Variants in COL6A3 observed in about 807,000 individuals in gnomAD.
COL6A3 encodes collagen type VI alpha 3 chain.
COL6A3 carries 137 observed loss-of-function variants against 274.1 expected under a neutral mutation model. That is an observed-to-expected ratio of 0.50 (90% confidence interval 0.44 to 0.58). The LOEUF (loss-of-function observed/expected upper bound fraction) is 0.58, where lower values mean the gene tolerates loss of function less well. Among genes scored for constraint, COL6A3 ranks in the 20% least tolerant of loss-of-function variants. The pLI, the probability that COL6A3 is intolerant of heterozygous loss-of-function variation, is 0.00. For missense variants in COL6A3, 3,950 were observed against 4,124.9 expected, an observed-to-expected ratio of 0.96 and a Z score of 1.16; for synonymous variants, 1,650 against 1,650.6, an observed-to-expected ratio of 1.00 and a Z score of 0.01.
intron 3 of COL6A3, among the ~76,000 whole-genome samples, chr2:237,391,565 T>C (rs936625235): frequency 1.3e-5 from 2 of 152,098 alleles, no homozygotes; most frequent in Non-Finnish European, 2.9e-5. Flanking sequence ...AGAGTTTCAC[T>C]CTTGTCACCC....
intron 3 of COL6A3, among the ~76,000 whole-genome samples, chr2:237,389,713 C>T (rs112738393): frequency 2.6e-5 from 4 of 152,296 alleles, no homozygotes; most frequent in African/African-American, 9.6e-5. Flanking sequence ...AAGAAAGTTC[C>T]TAACAATATA....
At chr2:237,363,928 G>A (rs1219237647) in intron 13 of COL6A3, among the ~76,000 whole-genome samples, 1 of 152,158 alleles carries the variant, frequency 6.6e-6, no homozygotes, top group Non-Finnish European at 1.5e-5. Context: ...GTACGTCATT[G>A]CTTACATTAT....
intron 3 of COL6A3, among the ~76,000 whole-genome samples, chr2:237,392,067 C>T (rs1325794574): frequency 2.0e-5 from 3 of 152,150 alleles, no homozygotes; most frequent in Non-Finnish European, 4.4e-5. Context: ...GCAGGGAACA[C>T]TTTGCAGTGT....
In COL6A3 at chr2:237,374,868, G is replaced by T. The variant is rs201962257; in HGVS notation, c.3223C>A (p.Arg1075=). The T allele has an allele frequency of 3.7e-6, 6 of 1,613,742 alleles. No homozygotes were observed. In the African/African-American group the frequency reaches 6.7e-5, roughly 18 times the overall value. Residue 1075 remains arginine (R), a synonymous_variant, in exon 8 of 44, where the codon CGG becomes AGG. Transcript: ENST00000295550. This position sits in a 1 kb window ranked among gnomAD's most constrained non-coding sequence, Gnocchi z 4.8. ...VRVAVVQYSD[R]TRPEFYLNSY... ...TTCAGGTAGAACTCGGGCCTGGTCC[G>T]GTCGCTGTACTGCACCACGGCCACG...
intron 1 of COL6A3, among the ~76,000 whole-genome samples, chr2:237,403,222 A>C (rs1354463914): frequency 6.6e-6 from 1 of 152,090 alleles, no homozygotes; most frequent in Non-Finnish European, 1.5e-5. Flanking sequence ...TGGAGTCCAA[A>C]TCTTGCGGCC....
Position 237,345,189 on chromosome 2 carries a change from A to T in COL6A3, c.7117T>A (p.Ser2373Thr). 6.2e-7 allele frequency: 1 copy of T among 1,614,170 alleles called. No homozygotes were observed. The stretch of plus-strand genomic sequence containing the variant: ...GGACACATGCAACTTACATCGATGG[A>T]GTCGCCCCTGTTGCCCTTGGGACCC... ...PAGPKGNRGD[S>T]IDQCALIQSI... The change falls in exon 33 of 44, where the codon TCC becomes ACC. Residue 2373 changes from serine to threonine, a missense_variant. Around this residue, in one of 5 missense-constraint regions of COL6A3, gnomAD observed 1,284 missense variants for 1,349.7 expected, o/e 0.95. Coordinates refer to ENST00000295550, the MANE Select transcript of COL6A3 (RefSeq NM_004369.4).
In COL6A3 at chr2:237,344,969, G is replaced by A; in HGVS notation, c.7163-17C>T. ...AACAGCAAGCTAGAAAAGAAGCAAA[G>A]AGAAGAAAGGGTGAGAGACTACTCT... On this transcript the variant is annotated splice_polypyrimidine_tract_variant and intron_variant, in intron 34 of 43. Transcript: ENST00000295550. This position sits in a 1 kb window ranked among gnomAD's most constrained non-coding sequence, Gnocchi z 4.8. 6.2e-7 allele frequency: 1 copy of A among 1,614,198 alleles called. No individual in the cohort carries two copies. The highest frequency in any genetic ancestry group is 8.5e-7 in the Non-Finnish European group (1 of 1,180,044).
rs372247515 is a variant in COL6A3, at chr2:237,368,868, G to A, written c.4595C>T (p.Ala1532Val). 130 of 1,614,038 alleles carry A rather than the reference G, an allele frequency of 8.1e-5. No homozygotes were observed. Among genetic ancestry groups the A allele is most frequent in the East Asian group, 2.2e-4 (10 of 44,892 alleles). Residue 1532 changes from alanine (A) to valine (V), a missense_variant, in exon 10 of 44, where the codon GCG (alanine) becomes GTG (valine). By Grantham distance (64) the Ala-to-Val change is moderately conservative. Coordinates refer to ENST00000295550, the MANE Select transcript of COL6A3 (RefSeq NM_004369.4). This position sits in a 1 kb window ranked among gnomAD's most constrained non-coding sequence, Gnocchi z 4.4. ...FVARNLFVKS[A>V]GSRIEDGVPQ... ...CACCCCGTCTTCTATGCGACTCCCCGCAGACTTAACAAAGAGGTTTCTTGC... is the reference window on the plus strand; with the variant it reads ...CACCCCGTCTTCTATGCGACTCCCCACAGACTTAACAAAGAGGTTTCTTGC...
rs1214408809 is a variant in COL6A3 at position 237,381,099 on chromosome 2, C to A, written c.1713G>T (p.Glu571Asp). 9 of 1,614,266 alleles carry A rather than the reference C, an allele frequency of 5.6e-6. No homozygotes were observed. The highest frequency in any genetic ancestry group is 1.3e-5 in the African/African-American group (1 of 75,080). Residue 571 changes from glutamate to aspartate, a missense_variant, in exon 5 of 44, where the codon GAG (glutamate) becomes GAT (aspartate). By Grantham distance (45) the Glu-to-Asp change is conservative. Coordinates refer to ENST00000295550, the MANE Select transcript of COL6A3 (RefSeq NM_004369.4). ...SLDEISQPAQELKRSSIMAFA... is the reference protein window; with the variant it reads ...SLDEISQPAQDLKRSSIMAFA... ...AGGCCATTATGCTGCTTCTCTTCAG[C>A]TCCTGGGCAGGCTGGCTGATTTCAT... is the stretch of plus-strand genomic sequence containing the variant.
chr2:237,383,532 T>C (rs2078065466), intron 4 of COL6A3, among the ~76,000 whole-genome samples: 1 of 152,074 alleles, frequency 6.6e-6, no homozygotes, highest in Non-Finnish European at 1.5e-5. Context: ...AGAATATATA[T>C]GTATATAGAT....
At position 237,410,207 on chromosome 2, in the gene COL6A3, C is replaced by G. The variant is rs557916724; in HGVS notation, c.-31+3746G>C. On this transcript the variant is annotated intron_variant, in intron 1 of 43. Coordinates refer to ENST00000295550, the MANE Select transcript of COL6A3 (RefSeq NM_004369.4). ...CACCACTTCAGAGATTTTTCTGAAGCTCGCAGAGATACACCTCCCTCTAGA... is the reference window on the plus strand; with the variant it reads ...CACCACTTCAGAGATTTTTCTGAAGGTCGCAGAGATACACCTCCCTCTAGA... Among the ~76,000 whole-genome samples the G allele has an allele frequency of 6.6e-5, 10 of 152,180 alleles. 1 individual carries two copies. The South Asian group carries it at 2.1e-3, about 32-fold the overall frequency.
chr2:237,339,207 T>C (rs2076933782), intron 38 of COL6A3, 90 bp from the exon 39 acceptor site: 3 of 903,424 alleles, frequency 3.3e-6, no homozygotes, highest in Admixed American at 3.9e-5. Flanking sequence ...ATGAATCACA[T>C]AACATTTATT....
At chr2:237,330,896 C>T (rs1700195129) in intron 42 of COL6A3, among the ~76,000 whole-genome samples, 1 of 152,208 alleles carries the variant, frequency 6.6e-6, no homozygotes. Flanking sequence ...CTACAAATTC[C>T]TTCACAGATT....
intron 8 of COL6A3, among the ~76,000 whole-genome samples, chr2:237,373,228 A>C (rs957121803): frequency 6.6e-6 from 1 of 152,154 alleles, no homozygotes; most frequent in Non-Finnish European, 1.5e-5. Flanking sequence ...CTGCACCCGC[A>C]CTGTGACAAT....
Position 237,372,240 on chromosome 2 carries a change from A to G in COL6A3, c.3777T>C (p.Val1259=), listed in dbSNP as rs1223176332. ...TGTCAAAGCCCACGTCCAGGTAGTC[A>G]ACCAGCCTCTCTATGAGGGTGCGAA... ...QYVRTLIERL[V]DYLDVGFDTT... is the part of the protein sequence containing the mutation. Residue 1259 remains valine, a synonymous_variant, in exon 9 of 44, where the codon GTT becomes GTC. Transcript: ENST00000295550. The G allele has an allele frequency of 6.2e-7, 1 of 1,613,924 alleles. No individual in the cohort carries two copies.
At position 237,339,098 on chromosome 2, in the gene COL6A3, C is replaced by T. The variant is rs1559198040; in HGVS notation, c.8484G>A (p.Leu2828=). The T allele has an allele frequency of 6.2e-7, 1 of 1,613,320 alleles. No individual in the cohort carries two copies. Among genetic ancestry groups the T allele is most frequent in the South Asian group, 1.1e-5 (1 of 91,016 alleles). ...SFVSSENAFY[L]SPDIRKQCDW... is the part of the protein sequence containing the mutation. ...CACACTGTTTCCTGATATCTGGGGA[C>T]AAGTAAAAAGCATTTTCACCTAAAG... Residue 2828 remains leucine (L), a synonymous_variant, in exon 39 of 44, where the codon TTG becomes TTA. Coordinates refer to ENST00000295550, the MANE Select transcript of COL6A3 (RefSeq NM_004369.4).
intron 1 of COL6A3, among the ~76,000 whole-genome samples, chr2:237,409,852 G>T (rs1425061744): frequency 6.6e-6 from 1 of 152,098 alleles, no homozygotes; most frequent in Non-Finnish European, 1.5e-5. Flanking sequence ...TCAAGCACCC[G>T]ACTGTTCATT....
rs368711215 is a variant in COL6A3 at position 237,360,145 on chromosome 2, C to T, written c.6225G>A (p.Pro2075=). 5.3e-5 allele frequency: 86 copies of T among 1,614,130 alleles called. No homozygotes were observed. Among genetic ancestry groups the T allele is most frequent in the Middle Eastern group, 3.3e-4 (2 of 6,062 alleles). Residue 2075 remains proline (P), a synonymous_variant, in exon 17 of 44, where the codon CCG becomes CCA. Transcript: ENST00000295550. ...AACCTTGAGTGCCGTTCACACCAGG[C>T]GGACCACGCTCACCCTGTTGTGAGA... ...GDEGGPGERG[P]PGVNGTQGFQ... is the part of the protein sequence containing the mutation.
chr2:237,364,484 T>G lies in COL6A3; in HGVS notation c.5839-56A>C. On this transcript the variant is annotated intron_variant, in intron 12 of 43. Transcript: ENST00000295550. This position sits in a 1 kb window ranked among gnomAD's most constrained non-coding sequence, Gnocchi z 4.6. ...AAAACTAAAAAGGAGTGTTGCAGAC[T>G]GCTGATAGAAAACTGAGAGACTCGC... is the stretch of plus-strand genomic sequence containing the variant. 1 of 1,360,190 alleles carries G rather than the reference T, an allele frequency of 7.4e-7. No individual in the cohort carries two copies. The highest frequency in any genetic ancestry group is 1.1e-6 in the Non-Finnish European group (1 of 950,588). 84.3% of individuals were successfully genotyped at this position (1,360,190 alleles called of 1,614,324 possible). A position where few individuals can be genotyped will look rare whatever the true frequency, so the allele number is the denominator to read the frequency against.
Sources: gnomAD v4.1 joint callset for allele counts (sites outside exome capture counted in the v4.1 genomes callset) on GRCh38, gnomAD v4.1.1 for gene constraint, gnomAD v4.1.1 regional missense constraint, Gnocchi (gnomAD v3.1) non-coding constraint, MANE v1.5 for transcripts, NCBI Gene and HGNC (gene_info 2026-07-23, HGNC 2026-07-21) for gene names.